SNX9: variants seen among roughly 807,000 people sequenced by gnomAD.
SNX9 encodes the protein sorting nexin 9, also known as sorting nexin-9.
In SNX9, 44 loss-of-function variants were observed where a neutral mutation model predicts 89.4. That is an observed-to-expected ratio of 0.49 (90% CI 0.39 to 0.63). SNX9 has a LOEUF of 0.63. SNX9 is among the 30% of genes least tolerant of loss of function. The pLI is 0.00. For synonymous variants in SNX9, 236 were observed against 247.8 expected (o/e 0.95, Z 0.45); for missense variants, 578 against 736.1 (o/e 0.79, Z 2.49).
chr6:157,904,234 G>A (rs1482899738), intron 6 of SNX9, among the ~76,000 whole-genome samples: 1 of 152,110 alleles, frequency 6.6e-6, no homozygotes, highest in Non-Finnish European at 1.5e-5. Context: ...AGGAATTCGA[G>A]ACCAGCCTGG....
chr6:157,871,334 T>C (rs1359303091), intron 2 of SNX9, among the ~76,000 whole-genome samples: 1 of 152,106 alleles, frequency 6.6e-6, no homozygotes, highest in East Asian at 1.9e-4. Flanking sequence ...TGAGCCAAGA[T>C]GGTGCCACTG....
intron 5 of SNX9, 139 bp downstream of exon 5, chr6:157,897,137 T>C: frequency 1.3e-6 from 1 of 798,042 alleles, no homozygotes; most frequent in Non-Finnish European, 1.9e-6. Flanking sequence ...GAAGGGAGGA[T>C]TGCCCCACCC....
intron 2 of SNX9, among the ~76,000 whole-genome samples, chr6:157,868,670 T>A (rs183480809): frequency 3.3e-5 from 5 of 152,366 alleles, no homozygotes; most frequent in Admixed American, 2.0e-4. Flanking sequence ...AACTTTATTG[T>A]AACTGTTCTT....
At chr6:157,941,750 C>G (rs994057441) in intron 17 of SNX9, among the ~76,000 whole-genome samples, 1 of 152,192 alleles carries the variant, frequency 6.6e-6, no homozygotes, top group Non-Finnish European at 1.5e-5. Context: ...ACGCCTGTCT[C>G]CAGCAGCCAG....
At chr6:157,908,655 GT>G (rs1046942041) in intron 7 of SNX9, among the ~76,000 whole-genome samples, 1 of 152,182 alleles carries the variant, frequency 6.6e-6, no homozygotes, top group African/African-American at 2.4e-5. Flanking sequence ...CTTGGATGCT[GT>G]TTTAAATAAG....
chr6:157,935,910 G>T (rs1761122419), intron 13 of SNX9, 54 bp from the exon 14 acceptor site: 2 of 1,294,786 alleles, frequency 1.5e-6, no homozygotes, highest in African/African-American at 3.1e-5. Flanking sequence ...ATTTTAACAA[G>T]TGAAAAGAAA....
intron 14 of SNX9, 74 bp downstream of exon 14, chr6:157,936,114 T>G (rs897076630): frequency 1.6e-6 from 2 of 1,217,420 alleles, no homozygotes; most frequent in African/African-American, 3.1e-5. Flanking sequence ...AAAACCTGTC[T>G]TAGGACAAAC....
chr6:157,852,359 A>G (rs1167322416), intron 1 of SNX9, among the ~76,000 whole-genome samples: 1 of 152,216 alleles, frequency 6.6e-6, no homozygotes, highest in Admixed American at 6.5e-5. Context: ...CTGGACATCA[A>G]AAGCTGCTTT....
At chr6:157,909,463 G>C (rs1415152391) in intron 7 of SNX9, among the ~76,000 whole-genome samples, 1 of 152,130 alleles carries the variant, frequency 6.6e-6, no homozygotes, top group East Asian at 1.9e-4. Context: ...GGAGCAGAAG[G>C]GTTTCCCACA....
At chr6:157,846,969 C>G (rs1309978093) in intron 1 of SNX9, among the ~76,000 whole-genome samples, 1 of 152,174 alleles carries the variant, frequency 6.6e-6, no homozygotes, top group Non-Finnish European at 1.5e-5. Context: ...ATCACTTGAA[C>G]CTGGGAAGTG....
At chr6:157,877,531 G>A (rs1291271620) in intron 4 of SNX9, among the ~76,000 whole-genome samples, 1 of 152,166 alleles carries the variant, frequency 6.6e-6, no homozygotes, top group Non-Finnish European at 1.5e-5. Context: ...GTCACGAGTA[G>A]GAAACCAGAT....
chr6:157,826,524 GTTAATCAGTAACTGCACATT>G (rs1402926957), intron 1 of SNX9, among the ~76,000 whole-genome samples: 2 of 148,010 alleles, frequency 1.4e-5, no homozygotes, highest in Admixed American at 6.8e-5. Context: ...AAAAAGGAAA[GTTAATCAGTAACTGCACATT>G]TTAAGGGGAT....
chr6:157,826,833 T>TATAATATATAA (rs1781360151), intron 1 of SNX9, among the ~76,000 whole-genome samples: 1 of 111,534 alleles, frequency 9.0e-6, no homozygotes, highest in Non-Finnish European at 1.6e-5. Context: ...TTATATTTTA[T>TATAATATATAA]ATATATATTA....
chr6:157,850,569 G>A (rs1440638440), intron 1 of SNX9, among the ~76,000 whole-genome samples: 1 of 152,080 alleles, frequency 6.6e-6, no homozygotes, highest in East Asian at 1.9e-4. Flanking sequence ...TTTGCTGGGG[G>A]AGTCTCTTCC....
intron 4 of SNX9, among the ~76,000 whole-genome samples, chr6:157,889,195 C>T (rs1267303745): frequency 1.3e-5 from 2 of 151,962 alleles, no homozygotes; most frequent in East Asian, 1.9e-4. Flanking sequence ...CTTTGGGAGG[C>T]GGAGGCAGGC....
In SNX9 at chr6:157,823,415, G is replaced by A; in HGVS notation, c.-20G>A. On this transcript the variant is annotated 5_prime_UTR_variant, in exon 1 of 18. Coordinates refer to ENST00000392185, the MANE Select transcript of SNX9 (RefSeq NM_016224.5). This position sits in a 1 kb window ranked among gnomAD's most constrained non-coding sequence, Gnocchi z 4.6. The stretch of plus-strand genomic sequence containing the variant: ...CGCGGGAGACGAGCCGGCCGTCCCG[G>A]GCCGGGGGACCCGCCCGCCATGGCC... 1 of 1,252,974 alleles carries A rather than the reference G, an allele frequency of 8.0e-7. No homozygotes were observed. Among genetic ancestry groups the A allele is most frequent in the Non-Finnish European group, 1.0e-6 (1 of 996,404 alleles). 77.6% of individuals were successfully genotyped at this position (1,252,974 alleles called of 1,614,324 possible).
At chr6:157,901,854 C>CT (rs11367433) in intron 5 of SNX9, 44 bp from the exon 6 acceptor site, 9,399 of 1,443,154 alleles carry the variant, frequency 6.5e-3, no homozygotes, top group South Asian at 7.7e-3. Flanking sequence ...TTATTTTGGT[C>CT]TTTTTTTTTT....
chr6:157,824,754 T>C (rs903582173), intron 1 of SNX9, among the ~76,000 whole-genome samples: 53 of 152,214 alleles, frequency 3.5e-4, no homozygotes, highest in Admixed American at 7.2e-4. Context: ...TAATATATTA[T>C]TGCCTGTGCT....
rs565476570 is a variant in SNX9, at chr6:157,898,082, C to T, written c.472+1084C>T. Among the ~76,000 whole-genome samples the T allele has an allele frequency of 1.2e-4, 18 of 152,312 alleles. 1 individual carries two copies. The highest frequency in any genetic ancestry group is 4.1e-4 in the African/African-American group (17 of 41,574). The stretch of plus-strand genomic sequence containing the variant: ...TGCACACCTAACATTCAGGAAGTTA[C>T]AAGAGTTTTAGGAGCTCTGTGCCGG... On this transcript the variant is annotated intron_variant, in intron 5 of 17. Coordinates refer to ENST00000392185, the MANE Select transcript of SNX9 (RefSeq NM_016224.5).
Sources: allele counts gnomAD v4.1 joint callset (sites outside exome capture counted in the v4.1 genomes callset), GRCh38; gene constraint gnomAD v4.1.1; non-coding constraint Gnocchi (gnomAD v3.1); transcripts MANE v1.5; gene names NCBI Gene and HGNC (gene_info 2026-07-23, HGNC 2026-07-21).